The following VPS53 variants were observed in gnomAD, a reference collection of about 807,000 sequenced individuals.
VPS53 encodes VPS53 subunit of GARP complex.
In VPS53, 70 loss-of-function variants were observed where a neutral mutation model predicts 107.0. That is an observed-to-expected ratio of 0.65 (90% CI 0.54 to 0.80). The LOEUF is 0.80. Ranked by LOEUF, VPS53 falls within the 30% of genes least tolerant of loss-of-function variation. The pLI is 0.00. For synonymous variants in VPS53, 409 were observed against 393.3 expected, an observed-to-expected ratio of 1.04 and a Z score of -0.47; for missense variants, 917 against 1,049.4, an observed-to-expected ratio of 0.87 and a Z score of 1.74.
intron 11 of VPS53, among the ~76,000 whole-genome samples, chr17:621,546 A>G (rs1380246059): frequency 6.6e-6 from 1 of 152,256 alleles, no homozygotes; most frequent in Non-Finnish European, 1.5e-5. Flanking sequence ...GCTGTATACT[A>G]GCCCTAAAAT....
At chr17:631,445 G>T in intron 8 of VPS53, 105 bp downstream of exon 8, 3 of 1,212,180 alleles carry the variant, frequency 2.5e-6, no homozygotes, top group Non-Finnish European at 2.4e-6. Flanking sequence ...ATTTGCAGCT[G>T]CCAGCGAGCA....
chr17:601,979 T>G, intron 11 of VPS53, 83 bp from the exon 12 acceptor site: 1 of 1,060,676 alleles, frequency 9.4e-7, no homozygotes. Flanking sequence ...TCTAGGTGTC[T>G]CCAACAAGGA....
At chr17:706,290 G>A (rs1272719625) in intron 2 of VPS53, among the ~76,000 whole-genome samples, 2 of 152,134 alleles carry the variant, frequency 1.3e-5, no homozygotes, top group African/African-American at 4.8e-5. Context: ...TGTAATCCCA[G>A]CACTTTGGGA....
chr17:622,742 G>A (rs1969523239), intron 11 of VPS53, among the ~76,000 whole-genome samples: 2 of 151,636 alleles, frequency 1.3e-5, no homozygotes, highest in South Asian at 4.2e-4. Flanking sequence ...TTTTTTTAGA[G>A]ATAGGGTGTC....
intron 7 of VPS53, among the ~76,000 whole-genome samples, chr17:641,814 A>G (rs1970433736): frequency 6.6e-6 from 1 of 152,194 alleles, no homozygotes. Context: ...GGGAAAACAA[A>G]AATTCCTCCT....
chr17:614,462 T>G (rs1969043371), intron 11 of VPS53, among the ~76,000 whole-genome samples: 1 of 152,240 alleles, frequency 6.6e-6, no homozygotes, highest in Non-Finnish European at 1.5e-5. Context: ...TATTATTCTC[T>G]TCTCAGAAAC....
intron 17 of VPS53, 138 bp downstream of exon 17, chr17:551,734 G>T: frequency 1.6e-6 from 1 of 641,568 alleles, no homozygotes; most frequent in Non-Finnish European, 2.4e-6. Context: ...GTGCTTTCAG[G>T]AACTCCGGGG....
At chr17:627,547 G>A (rs1165028003) in intron 9 of VPS53, among the ~76,000 whole-genome samples, 1 of 152,148 alleles carries the variant, frequency 6.6e-6, no homozygotes, top group Admixed American at 6.5e-5. Context: ...GGAGGCCGAG[G>A]TCAGCAGATC....
At chr17:605,468 G>C (rs1320941924) in intron 11 of VPS53, among the ~76,000 whole-genome samples, 1 of 151,168 alleles carries the variant, frequency 6.6e-6, no homozygotes, top group Admixed American at 6.6e-5. Context: ...AGGAAGATGG[G>C]GGCCTGGGGT....
intron 13 of VPS53, among the ~76,000 whole-genome samples, chr17:582,934 T>C (rs145613909): frequency 2.5e-4 from 35 of 138,094 alleles, no homozygotes; most frequent in African/African-American, 9.4e-4. Flanking sequence ...GGACCTAATG[T>C]GTTTCCAGAG....
At chr17:620,174 A>G (rs1014482656) in intron 11 of VPS53, among the ~76,000 whole-genome samples, 1 of 152,202 alleles carries the variant, frequency 6.6e-6, no homozygotes, top group Non-Finnish European at 1.5e-5. Flanking sequence ...TTATTCTAAT[A>G]AAGTCGTGAG....
chr17:586,997 T>C (rs1257985923), intron 12 of VPS53, among the ~76,000 whole-genome samples: 2 of 152,072 alleles, frequency 1.3e-5, no homozygotes, highest in South Asian at 4.2e-4. Flanking sequence ...CAATAGAGGA[T>C]TGTTAACTTT....
intron 18 of VPS53, among the ~76,000 whole-genome samples, chr17:533,610 TCTCTAGAAAGC>T (rs1909776863): frequency 6.6e-6 from 1 of 152,136 alleles, no homozygotes; most frequent in African/African-American, 2.4e-5. Context: ...TTCAACGGCG[TCTCTAGAAAGC>T]CTTTCTTCTG....
At chr17:648,507 T>C (rs1970794267) in intron 7 of VPS53, among the ~76,000 whole-genome samples, 1 of 152,190 alleles carries the variant, frequency 6.6e-6, no homozygotes, top group Non-Finnish European at 1.5e-5. Context: ...GCTGAGATTG[T>C]GCCACTGCAC....
At chr17:623,917 T>A (rs952366625) in intron 10 of VPS53, among the ~76,000 whole-genome samples, 8 of 151,612 alleles carry the variant, frequency 5.3e-5, no homozygotes, top group African/African-American at 2.0e-4. Context: ...ATATATATAC[T>A]TATATTTATT....
intron 2 of VPS53, among the ~76,000 whole-genome samples, chr17:706,820 A>G (rs761060352): frequency 8.5e-5 from 13 of 152,052 alleles, no homozygotes; most frequent in African/African-American, 1.2e-4. Context: ...TAGCTCTCAG[A>G]TCTGGTTCTC....
At chr17:629,271 T>G (rs9674913) in intron 8 of VPS53, among the ~76,000 whole-genome samples, 1 of 152,084 alleles carries the variant, frequency 6.6e-6, no homozygotes, top group East Asian at 1.9e-4. Flanking sequence ...AACTTCTCAA[T>G]TCTCACTTCA....
chr17:577,716 T>A (rs750834568), intron 13 of VPS53, among the ~76,000 whole-genome samples: 1 of 150,692 alleles, frequency 6.6e-6, no homozygotes, highest in Non-Finnish European at 1.5e-5. Flanking sequence ...CCTAAGCACG[T>A]AATTCATTCC....
intron 8 of VPS53, among the ~76,000 whole-genome samples, chr17:629,431 C>T (rs965793429): frequency 4.6e-5 from 7 of 152,090 alleles, no homozygotes; most frequent in Non-Finnish European, 1.0e-4. Context: ...GAAATAGTAA[C>T]ACAAGGCCTT....
Sources: allele counts gnomAD v4.1 joint callset (sites outside exome capture counted in the v4.1 genomes callset), GRCh38; gene constraint gnomAD v4.1.1; transcripts MANE v1.5; gene names NCBI Gene and HGNC (gene_info 2026-07-23, HGNC 2026-07-21).